COL24A1: variants seen among roughly 807,000 people sequenced by gnomAD.
The protein encoded by COL24A1 is collagen alpha-1(XXIV) chain.
A neutral mutation model predicts 253.9 loss-of-function variants in COL24A1; 224 were observed. The observed-to-expected ratio is 0.88, with a 90% CI of 0.79 to 0.99. The LOEUF is 0.99. Ranked by LOEUF, COL24A1 falls within the 50% of genes least tolerant of loss-of-function variation. COL24A1 has a pLI of 0.00. For missense variants in COL24A1, 2,131 were observed against 2,068.5 expected, an observed-to-expected ratio of 1.03 and a Z score of -0.59; for synonymous variants, 685 against 673.7, an observed-to-expected ratio of 1.02 and a Z score of -0.26.
chr1:86,131,654 T>C (rs953277476), intron 2 of COL24A1, among the ~76,000 whole-genome samples: 6 of 152,004 alleles, frequency 3.9e-5, no homozygotes, highest in Non-Finnish European at 8.8e-5. Context: ...GAATGATGGT[T>C]TCCAGCTTCA....
chr1:86,146,785 A>T (rs554502903), intron 1 of COL24A1, among the ~76,000 whole-genome samples: 1 of 152,172 alleles, frequency 6.6e-6, no homozygotes, highest in Non-Finnish European at 1.5e-5. Context: ...GAGCATTTTG[A>T]TTAGTAGTAG....
At chr1:85,834,705 G>T (rs972991627) in intron 43 of COL24A1, among the ~76,000 whole-genome samples, 1 of 152,058 alleles carries the variant, frequency 6.6e-6, no homozygotes, top group Non-Finnish European at 1.5e-5. Flanking sequence ...AGTTAATCTT[G>T]GCTATTTATG....
intron 47 of COL24A1, among the ~76,000 whole-genome samples, chr1:85,789,336 T>G (rs1670029634): frequency 1.3e-5 from 2 of 152,150 alleles, no homozygotes; most frequent in African/African-American, 4.8e-5. Context: ...GAATGGGAGT[T>G]CACTCATGAT....
chr1:85,761,462 G>T (rs1433419706), intron 54 of COL24A1, 40 bp from the exon 55 acceptor site: 1 of 1,613,690 alleles, frequency 6.2e-7, no homozygotes, highest in African/African-American at 1.3e-5. Context: ...CATTTATTTA[G>T]TAGACATCTT....
At chr1:85,993,373 A>G (rs1057337608) in intron 19 of COL24A1, among the ~76,000 whole-genome samples, 1 of 152,072 alleles carries the variant, frequency 6.6e-6, no homozygotes, top group African/African-American at 2.4e-5. Flanking sequence ...ATATATCCAT[A>G]AAACGAACAG....
In COL24A1 at chr1:86,022,309, A is replaced by AACTG. The variant is rs1553261250; in HGVS notation, c.2203-17_2203-16insCAGT. The AACTG allele has an allele frequency of 6.3e-7, 1 of 1,594,546 alleles. No individual in the cohort carries two copies. The highest frequency in any genetic ancestry group is 8.6e-7 in the Non-Finnish European group (1 of 1,163,210). The stretch of plus-strand genomic sequence containing the variant: ...CAACAGCACCCTAAGAGAAGAGAAT[A>AACTG]ACAGAAGAGAAAGTTATTATACCAC... On this transcript the variant is annotated splice_polypyrimidine_tract_variant and intron_variant, in intron 17 of 59. Coordinates refer to ENST00000370571, the MANE Select transcript of COL24A1 (RefSeq NM_152890.7).
At position 85,781,261 on chromosome 1, in the gene COL24A1, G is replaced by T; in HGVS notation, c.4297C>A (p.Pro1433Thr). 1 of 1,605,440 alleles carries T rather than the reference G, an allele frequency of 6.2e-7. No homozygotes were observed. The highest frequency in any genetic ancestry group is 8.5e-7 in the Non-Finnish European group (1 of 1,176,248). Residue 1433 changes from proline (P) to threonine (T), a missense_variant, in exon 52 of 60, where the codon CCC (proline) becomes ACC (threonine). Coordinates refer to ENST00000370571, the MANE Select transcript of COL24A1 (RefSeq NM_152890.7). ...CCTATTATACCTTCTCTGCCAAGGG[G>T]ACCAGTGTTTCCCTGTTGAGGTAAA... ...GPIGHRGNTGPLGREGIIGPT... is the reference protein window; with the variant it reads ...GPIGHRGNTGTLGREGIIGPT...
chr1:86,081,178 T>C (rs1702609452), intron 7 of COL24A1, among the ~76,000 whole-genome samples: 1 of 152,168 alleles, frequency 6.6e-6, no homozygotes, highest in Non-Finnish European at 1.5e-5. Flanking sequence ...GTCTAAATTA[T>C]CACACTAAGC....
intron 22 of COL24A1, among the ~76,000 whole-genome samples, chr1:85,967,605 GA>G (rs1222095616): frequency 6.6e-6 from 1 of 152,156 alleles, no homozygotes; most frequent in Non-Finnish European, 1.5e-5. Flanking sequence ...GTGAGTAGCT[GA>G]AAAGAATAGA....
intron 24 of COL24A1, among the ~76,000 whole-genome samples, chr1:85,934,018 A>G (rs1001396156): frequency 6.6e-6 from 1 of 152,168 alleles, no homozygotes; most frequent in African/African-American, 2.4e-5. Flanking sequence ...AGGATCTTTC[A>G]TGAAGTTGCA....
At chr1:85,824,873 T>C (rs898877102) in intron 43 of COL24A1, among the ~76,000 whole-genome samples, 2 of 151,480 alleles carry the variant, frequency 1.3e-5, no homozygotes, top group African/African-American at 2.4e-5. Flanking sequence ...GAAGAAGAGA[T>C]TGCATACATA....
chr1:86,103,974 T>C (rs1208941873), intron 5 of COL24A1, among the ~76,000 whole-genome samples: 5 of 152,244 alleles, frequency 3.3e-5, no homozygotes, highest in Admixed American at 3.3e-4. Context: ...TCCTGAAATA[T>C]GTTTTTCAAG....
At chr1:85,738,817 C>T (rs1664322950) in intron 57 of COL24A1, among the ~76,000 whole-genome samples, 2 of 152,158 alleles carry the variant, frequency 1.3e-5, no homozygotes, top group South Asian at 4.1e-4. Context: ...CCTCTAAATG[C>T]TTACTTGCTT....
chr1:85,772,931 T>C (rs559549598), intron 53 of COL24A1, among the ~76,000 whole-genome samples: 39 of 152,186 alleles, frequency 2.6e-4, no homozygotes, highest in Non-Finnish European at 4.1e-4. Context: ...GTTTCAGAGA[T>C]GAAGTCTTTG....
chr1:85,991,373 T>C (rs6672098), intron 19 of COL24A1, among the ~76,000 whole-genome samples: 70,903 of 151,920 alleles, frequency 0.47, 16,926 homozygotes, highest in East Asian at 0.61. Context: ...TAAGCCTAAA[T>C]TATAGTTTTT....
chr1:85,867,509 C>A (rs909013919), intron 37 of COL24A1, among the ~76,000 whole-genome samples: 1 of 152,114 alleles, frequency 6.6e-6, no homozygotes, highest in Non-Finnish European at 1.5e-5. Flanking sequence ...AAAGAGAAAC[C>A]ATTTTCTGGT....
At chr1:85,742,806 T>C (rs1231977318) in intron 57 of COL24A1, among the ~76,000 whole-genome samples, 1 of 152,212 alleles carries the variant, frequency 6.6e-6, no homozygotes, top group East Asian at 1.9e-4. Context: ...CATTTATTCC[T>C]GAGGTTGTAA....
chr1:86,079,693 G>C (rs1702499719), intron 7 of COL24A1, among the ~76,000 whole-genome samples: 1 of 152,132 alleles, frequency 6.6e-6, no homozygotes, highest in African/African-American at 2.4e-5. Context: ...ATAAAAAAGT[G>C]CTCAACATTA....
intron 1 of COL24A1, among the ~76,000 whole-genome samples, chr1:86,153,242 C>T (rs1039851644): frequency 2.0e-5 from 3 of 150,716 alleles, no homozygotes; most frequent in Non-Finnish European, 4.4e-5. Context: ...CTAGGTGCCC[C>T]TCATGTATAT....
Sources: allele counts gnomAD v4.1 joint callset (sites outside exome capture counted in the v4.1 genomes callset), GRCh38; gene constraint gnomAD v4.1.1; transcripts MANE v1.5; gene names NCBI Gene and HGNC (gene_info 2026-07-23, HGNC 2026-07-21).